The following ADAMTS20 variants were observed in gnomAD, a reference collection of about 807,000 sequenced individuals.
ADAMTS20 encodes ADAM metallopeptidase with thrombospondin type 1 motif 20.
A neutral mutation model predicts 260.1 loss-of-function variants in ADAMTS20; 225 were observed. That is an observed-to-expected ratio of 0.87 (90% CI 0.78 to 0.97). The LOEUF is 0.97. Among genes scored for constraint, ADAMTS20 ranks in the 50% least tolerant of loss-of-function variants. The probability of loss-of-function intolerance (pLI) is 0.00; values close to 1 mark genes in which losing one functional copy is unlikely to be tolerated. For missense variants in ADAMTS20, 2,400 were observed against 2,337.7 expected (o/e 1.03, Z -0.55); for synonymous variants, 802 against 769.5 (o/e 1.04, Z -0.70).
intron 3 of ADAMTS20, among the ~76,000 whole-genome samples, 187 bp from the exon 4 acceptor site, chr12:43,502,592 T>C (rs1942784873): frequency 6.6e-6 from 1 of 152,152 alleles, no homozygotes; most frequent in South Asian, 2.1e-4. Context: ...TTGCTTTTTA[T>C]AGTAATAAAA....
intron 3 of ADAMTS20, among the ~76,000 whole-genome samples, chr12:43,508,602 AT>A (rs1285586592): frequency 2.1e-5 from 3 of 143,776 alleles, no homozygotes; most frequent in Admixed American, 6.8e-5. Flanking sequence ...CTTAATTAAA[AT>A]TTTTTTATTA....
intron 18 of ADAMTS20, 33 bp from the exon 19 acceptor site, chr12:43,434,404 A>C (rs766752196): frequency 3.9e-6 from 6 of 1,543,048 alleles, no homozygotes; most frequent in Non-Finnish European, 2.6e-6. Context: ...TAAAAAATGA[A>C]AGAAAAATTC....
intron 28 of ADAMTS20, among the ~76,000 whole-genome samples, chr12:43,421,943 T>C (rs1941245148): frequency 1.3e-5 from 2 of 152,124 alleles, no homozygotes; most frequent in South Asian, 4.2e-4. Context: ...AGGCATTCCT[T>C]ATATTAATAA....
At chr12:43,430,572 ATC>A (rs1941423872) in intron 22 of ADAMTS20, 101 bp from the exon 23 acceptor site, 1 of 1,093,486 alleles carries the variant, frequency 9.1e-7, no homozygotes, top group African/African-American at 1.6e-5. Context: ...ACTTTTAATA[ATC>A]TTTTTATCAA....
At chr12:43,427,613 G>A in intron 26 of ADAMTS20, 144 bp from the exon 27 acceptor site, 1 of 785,016 alleles carries the variant, frequency 1.3e-6, no homozygotes, top group South Asian at 3.0e-5. Flanking sequence ...AATTTGAATT[G>A]AGAAAATCTA....
At chr12:43,365,545 G>A (rs931055619) in intron 37 of ADAMTS20, among the ~76,000 whole-genome samples, 1 of 151,888 alleles carries the variant, frequency 6.6e-6, no homozygotes. Flanking sequence ...GACACAAGAC[G>A]ATAAGTCAAA....
intron 2 of ADAMTS20, among the ~76,000 whole-genome samples, chr12:43,545,726 C>T (rs1349907130): frequency 1.3e-5 from 2 of 152,124 alleles, no homozygotes; most frequent in African/African-American, 4.8e-5. Flanking sequence ...CTCAACCTTG[C>T]TTGGACTGCC....
chr12:43,479,547 C>T (rs1290600226), intron 7 of ADAMTS20, among the ~76,000 whole-genome samples: 1 of 151,998 alleles, frequency 6.6e-6, no homozygotes, highest in East Asian at 1.9e-4. Flanking sequence ...TCCACACATT[C>T]ATAAATATTT....
chr12:43,466,312 G>A (rs1053422284), intron 9 of ADAMTS20, among the ~76,000 whole-genome samples: 2 of 151,816 alleles, frequency 1.3e-5, no homozygotes, highest in East Asian at 1.9e-4. Context: ...TAGTCACTTC[G>A]AAAAAATTCA....
chr12:43,544,103 T>C (rs1943411945), intron 2 of ADAMTS20, among the ~76,000 whole-genome samples: 1 of 152,164 alleles, frequency 6.6e-6, no homozygotes, highest in African/African-American at 2.4e-5. Flanking sequence ...CTTAAATATA[T>C]TTCATAGAAA....
In ADAMTS20 at chr12:43,354,207, G is replaced by A; in HGVS notation, c.*2C>T. The A allele has an allele frequency of 1.3e-6, 2 of 1,572,508 alleles. No individual in the cohort carries two copies. Among genetic ancestry groups the A allele is most frequent in the South Asian group, 1.2e-5 (1 of 85,988 alleles). ...TAGGGCATACTTCCCCCTTCTAAAT[G>A]TTCATATGACTTGAATTGGGAGACC... On this transcript the variant is annotated 3_prime_UTR_variant, in exon 39 of 39. Coordinates refer to ENST00000389420, the MANE Select transcript of ADAMTS20 (RefSeq NM_025003.5).
rs1182140711 is a variant in ADAMTS20, at chr12:43,451,587, T to TTA, written c.2079+685_2079+686dup. ...TCCTAAAACCTACTCATTTCAATAC[T>TTA]TAGCACAAGTCTTATGCGCTCCATA... On this transcript the variant is annotated intron_variant, in intron 14 of 38. Transcript: ENST00000389420. Among the ~76,000 whole-genome samples, 101 of 152,264 alleles carry TTA rather than the reference T, an allele frequency of 6.6e-4. 1 individual carries two copies. Among genetic ancestry groups the TTA allele is most frequent in the Admixed American group, 6.5e-3 (100 of 15,274 alleles).
intron 24 of ADAMTS20, among the ~76,000 whole-genome samples, chr12:43,429,243 G>A (rs530107741): frequency 1.3e-4 from 20 of 152,064 alleles, no homozygotes; most frequent in Non-Finnish European, 2.2e-4. Flanking sequence ...TTTTAGCAAC[G>A]TATACTCCAC....
intron 28 of ADAMTS20, among the ~76,000 whole-genome samples, chr12:43,412,155 G>A (rs1941044048): frequency 6.6e-6 from 1 of 152,194 alleles, no homozygotes; most frequent in Non-Finnish European, 1.5e-5. Context: ...TGTATATACA[G>A]AGTTAATCAG....
chr12:43,393,503 C>A (rs1001119243), intron 29 of ADAMTS20, among the ~76,000 whole-genome samples: 2 of 151,914 alleles, frequency 1.3e-5, no homozygotes, highest in Admixed American at 1.3e-4. Context: ...GGTACTGTAA[C>A]CATTATAGCT....
chr12:43,445,334 AG>A (rs148657174), intron 15 of ADAMTS20, among the ~76,000 whole-genome samples: 3,650 of 152,318 alleles, frequency 0.024, 66 homozygotes, highest in East Asian at 0.078. Context: ...CATGCATTAT[AG>A]AAGGGAATCA....
At chr12:43,533,397 T>C (rs905562267) in intron 2 of ADAMTS20, among the ~76,000 whole-genome samples, 4 of 148,366 alleles carry the variant, frequency 2.7e-5, no homozygotes, top group African/African-American at 1.0e-4. Flanking sequence ...GAGAATAAAA[T>C]ACCTAGGAAT....
intron 2 of ADAMTS20, among the ~76,000 whole-genome samples, chr12:43,534,957 C>T (rs1269686257): frequency 6.6e-6 from 1 of 152,056 alleles, no homozygotes; most frequent in Non-Finnish European, 1.5e-5. Context: ...CACCCTTCAC[C>T]TCTACCTCTG....
chr12:43,512,031 T>G (rs1036121720), intron 3 of ADAMTS20, among the ~76,000 whole-genome samples: 5 of 151,938 alleles, frequency 3.3e-5, no homozygotes. Flanking sequence ...TGAGTTTTCT[T>G]ATTAATACTA....
Sources: gnomAD v4.1 joint callset for allele counts (sites outside exome capture counted in the v4.1 genomes callset) on GRCh38, gnomAD v4.1.1 for gene constraint, MANE v1.5 for transcripts, NCBI Gene and HGNC (gene_info 2026-07-23, HGNC 2026-07-21) for gene names.